The following CLTA variants were observed in gnomAD, a reference collection of about 807,000 sequenced individuals.
CLTA encodes clathrin, light polypeptide (Lca).
Under a neutral mutation model 26.9 loss-of-function variants are expected in CLTA, and 9 were observed. That is an observed-to-expected ratio of 0.33 (90% CI 0.20 to 0.58). CLTA has a LOEUF of 0.58. CLTA is among the 20% of genes least tolerant of loss of function. The probability of loss-of-function intolerance (pLI) is 0.85; values close to 1 mark genes in which losing one functional copy is unlikely to be tolerated. For synonymous variants in CLTA, 120 were observed against 115.5 expected (o/e 1.04, Z -0.25); for missense variants, 278 against 294.2 (o/e 0.94, Z 0.40).
At chr9:36,198,061 A>G (rs7037073) in intron 2 of CLTA, among the ~76,000 whole-genome samples, 1 of 138,976 alleles carries the variant, frequency 7.2e-6, no homozygotes, top group African/African-American at 2.7e-5. Flanking sequence ...CAGTGGCACG[A>G]TCTTGTCTCA....
At chr9:36,194,180 C>T (rs1335195888) in intron 1 of CLTA, among the ~76,000 whole-genome samples, 1 of 152,306 alleles carries the variant, frequency 6.6e-6, no homozygotes, top group African/African-American at 2.4e-5. Context: ...CGCCCACCAC[C>T]GTGCCCAGCT....
At chr9:36,196,991 T>C (rs1262094667) in intron 1 of CLTA, among the ~76,000 whole-genome samples, 4 of 152,122 alleles carry the variant, frequency 2.6e-5, no homozygotes, top group African/African-American at 7.2e-5. Flanking sequence ...CTGGGCAGCA[T>C]GGCGAAACCC....
Position 36,211,825 on chromosome 9 carries a change from T to C in CLTA, c.*51T>C. ...TCTGCAATATCTTAATCCTACTCAG[T>C]GAAGCTCTTCACAGTCATTGGATTA... On this transcript the variant is annotated 3_prime_UTR_variant, in exon 5 of 5. Transcript: ENST00000345519. 6.9e-7 allele frequency: 1 copy of C among 1,444,954 alleles called. No individual in the cohort carries two copies. The highest frequency in any genetic ancestry group is 9.6e-7 in the Non-Finnish European group (1 of 1,043,680). 89.5% of individuals were successfully genotyped at this position (1,444,954 alleles called of 1,614,324 possible).
rs554538189 is a variant in CLTA at position 36,199,962 on chromosome 9, GTC to G, written c.373+868_373+869del. On this transcript the variant is annotated intron_variant, in intron 3 of 4. Coordinates refer to ENST00000345519, the MANE Select transcript of CLTA (RefSeq NM_001833.4). ...GGTAAGAGTCACAATTTCAGCTGAAGTCTGCCTTGCTTCAAAGTCACTACCCA... is the reference window on the plus strand; with the variant it reads ...GGTAAGAGTCACAATTTCAGCTGAAGTGCCTTGCTTCAAAGTCACTACCCA... Among the ~76,000 whole-genome samples the G allele has an allele frequency of 2.8e-3, 421 of 152,312 alleles. 3 individuals are homozygous for G. The highest frequency in any genetic ancestry group is 9.6e-3 in the African/African-American group (400 of 41,572).
chr9:36,206,012 G>T (rs1440845593), intron 4 of CLTA, among the ~76,000 whole-genome samples: 2 of 152,010 alleles, frequency 1.3e-5, no homozygotes, highest in African/African-American at 2.4e-5. Context: ...TGCCTTCCTT[G>T]GCCTCCCAAA....
intron 3 of CLTA, among the ~76,000 whole-genome samples, chr9:36,200,303 A>G (rs1290028839): frequency 6.6e-6 from 1 of 152,162 alleles, no homozygotes; most frequent in East Asian, 1.9e-4. Context: ...TAATTAATGG[A>G]TTATCTTTAT....
upstream of CLTA, chr9:36,190,887 C>T (rs1016687336): frequency 2.7e-5 from 33 of 1,217,384 alleles, no homozygotes; most frequent in African/African-American, 3.5e-4. Context: ...CTCTGCAACA[C>T]CGCCTAGACC....
intron 3 of CLTA, 151 bp from the exon 4 acceptor site, chr9:36,203,917 G>GT (rs1404344085): frequency 9.3e-7 from 1 of 1,074,866 alleles, no homozygotes; most frequent in African/African-American, 1.6e-5. Context: ...GAAAACAGAA[G>GT]TTTATCTTCC....
Position 36,198,822 on chromosome 9 carries a change from G to A in CLTA, c.256-157G>A, listed in dbSNP as rs567561421. Among the ~76,000 whole-genome samples the A allele has an allele frequency of 5.4e-5, 8 of 148,082 alleles. No individual in the cohort carries two copies. The East Asian group carries it at 1.4e-3, about 26-fold the overall frequency. On this transcript the variant is annotated intron_variant, in intron 2 of 4. Coordinates refer to ENST00000345519, the MANE Select transcript of CLTA (RefSeq NM_001833.4). ...CGGGAGGTGGAGGTTGCAGTGAGCCGAGATCGTGCCACTGCACTCCAGCCT... is the reference window on the plus strand; with the variant it reads ...CGGGAGGTGGAGGTTGCAGTGAGCCAAGATCGTGCCACTGCACTCCAGCCT...
rs1184842063 is a variant in CLTA at position 36,191,259 on chromosome 9, C to A, written c.203C>A (p.Pro68Gln). 6.5e-7 allele frequency: 1 copy of A among 1,527,138 alleles called. No individual in the cohort carries two copies. Among genetic ancestry groups the A allele is most frequent in the Admixed American group, 2.1e-5 (1 of 47,734 alleles). The allele number at this position is 1,527,138 out of a possible 1,614,324, so 94.6% of individuals were successfully genotyped here. The part of the protein sequence containing the change: ...GAPGPQPHGE[P>Q]PGGPDAVDGV... ...CCCGGGCCCCAGCCGCACGGCGAGC[C>A]GCCGGGGGGTCCGGGTGAGAGTGCG... Residue 68 changes from proline (P) to glutamine (Q), a missense_variant, in exon 1 of 5, where the codon CCG becomes CAG. By Grantham distance (76) the Pro-to-Gln change is moderately conservative. Transcript: ENST00000345519.
At chr9:36,196,342 C>CTT (rs372357204) in intron 1 of CLTA, among the ~76,000 whole-genome samples, 8 of 135,146 alleles carry the variant, frequency 5.9e-5, no homozygotes, top group Admixed American at 2.2e-4. Context: ...TTTCTTTTTT[C>CTT]TTTTTTTTTT....
chr9:36,200,535 C>G (rs1165650814), intron 3 of CLTA, among the ~76,000 whole-genome samples: 1 of 152,186 alleles, frequency 6.6e-6, no homozygotes, highest in African/African-American at 2.4e-5. Context: ...ATAACTGACA[C>G]CCAGAAATAG....
At chr9:36,201,547 A>G (rs531983021) in intron 3 of CLTA, among the ~76,000 whole-genome samples, 3 of 152,332 alleles carry the variant, frequency 2.0e-5, no homozygotes, top group South Asian at 2.1e-4. Context: ...GGAGGTCACC[A>G]TTTTTATTTA....
intron 3 of CLTA, among the ~76,000 whole-genome samples, chr9:36,200,749 T>C (rs1310911922): frequency 6.6e-6 from 1 of 152,246 alleles, no homozygotes; most frequent in Non-Finnish European, 1.5e-5. Context: ...TGTTAAGTAC[T>C]TGAAGTGTGG....
chr9:36,210,790 C>A, intron 4 of CLTA: 2 of 986,056 alleles, frequency 2.0e-6, no homozygotes, highest in South Asian at 1.4e-5. Context: ...TCCCCACAGA[C>A]CAGTCATCTC....
At chr9:36,198,482 G>T (rs1273220947) in intron 2 of CLTA, among the ~76,000 whole-genome samples, 1 of 151,120 alleles carries the variant, frequency 6.6e-6, no homozygotes, top group African/African-American at 2.4e-5. Flanking sequence ...TTCGAGACCA[G>T]CCTGGCCAAC....
intron 4 of CLTA, 70 bp downstream of exon 4, chr9:36,204,249 C>T: frequency 6.6e-7 from 1 of 1,523,902 alleles, no homozygotes; most frequent in Admixed American, 2.1e-5. Flanking sequence ...AGCATCCAGT[C>T]TCGGTTTTTG....
chr9:36,191,097 C>A lies in CLTA; in HGVS notation c.41C>A (p.Pro14His). ...LDPFGAPAGA[P>H]GGPALGNGVA... Reference sequence around the variant, plus strand: ...CCGTTCGGCGCCCCTGCCGGCGCCCCTGGCGGTCCCGCGCTGGGGAACGGA... The same window carrying A: ...CCGTTCGGCGCCCCTGCCGGCGCCCATGGCGGTCCCGCGCTGGGGAACGGA... The change falls in exon 1 of 5, where the codon CCT (proline) becomes CAT (histidine). Residue 14 changes from proline to histidine, a missense_variant. Pro to His is a moderately conservative substitution (Grantham distance 77). Coordinates refer to ENST00000345519, the MANE Select transcript of CLTA (RefSeq NM_001833.4). 1.9e-6 allele frequency: 3 copies of A among 1,593,236 alleles called. No individual in the cohort carries two copies. The highest frequency in any genetic ancestry group is 2.6e-6 in the Non-Finnish European group (3 of 1,174,606).
intron 1 of CLTA, among the ~76,000 whole-genome samples, chr9:36,191,841 C>T (rs1826745344): frequency 2.0e-5 from 3 of 152,154 alleles, no homozygotes; most frequent in Admixed American, 1.3e-4. Context: ...AAAGAACTGC[C>T]AAGCGCGGTA....
Sources: allele counts gnomAD v4.1 joint callset (sites outside exome capture counted in the v4.1 genomes callset), GRCh38; gene constraint gnomAD v4.1.1; transcripts MANE v1.5; gene names NCBI Gene and HGNC (gene_info 2026-07-23, HGNC 2026-07-21).